Variants in KIF6 observed in about 807,000 individuals in gnomAD.
The protein encoded by KIF6 is kinesin-like protein KIF6.
Under a neutral mutation model 112.7 loss-of-function variants are expected in KIF6, and 106 were observed. That is an observed-to-expected ratio of 0.94 (90% confidence interval 0.80 to 1.11). The LOEUF is 1.11. Among genes scored for constraint, KIF6 ranks in the 50% least tolerant of loss-of-function variants. The probability of loss-of-function intolerance (pLI) is 0.00; values close to 1 mark genes in which losing one functional copy is unlikely to be tolerated. For missense variants in KIF6, 929 were observed against 964.0 expected (o/e 0.96, Z 0.48); for synonymous variants, 339 against 339.9 (o/e 1.00, Z 0.03).
chr6:39,479,076 T>C (rs1774631784), intron 13 of KIF6, among the ~76,000 whole-genome samples: 1 of 152,216 alleles, frequency 6.6e-6, no homozygotes, highest in African/African-American at 2.4e-5. Context: ...TGACTGTTCC[T>C]TTTGCTATGC....
intron 15 of KIF6, among the ~76,000 whole-genome samples, chr6:39,410,150 G>A (rs1338107606): frequency 6.6e-6 from 1 of 152,192 alleles, no homozygotes; most frequent in African/African-American, 2.4e-5. Context: ...CAGGAGTCCT[G>A]GTTTATATAC....
chr6:39,531,674 T>G (rs934810729), intron 13 of KIF6, among the ~76,000 whole-genome samples: 3 of 152,128 alleles, frequency 2.0e-5, no homozygotes, highest in Non-Finnish European at 4.4e-5. Flanking sequence ...GGTTCTTGTC[T>G]CCATGAAAAG....
At chr6:39,522,295 C>T (rs1043086783) in intron 13 of KIF6, among the ~76,000 whole-genome samples, 1 of 152,070 alleles carries the variant, frequency 6.6e-6, no homozygotes, top group African/African-American at 2.4e-5. Context: ...GTCCCACTAC[C>T]CACTCTTTCC....
chr6:39,583,459 A>C (rs753001039), intron 9 of KIF6: 1 of 471,650 alleles, frequency 2.1e-6, no homozygotes. Flanking sequence ...AGAGAACTCC[A>C]TCAGAGGAGC....
intron 16 of KIF6, among the ~76,000 whole-genome samples, chr6:39,363,494 G>T (rs1765331979): frequency 6.6e-6 from 1 of 152,200 alleles, no homozygotes; most frequent in South Asian, 2.1e-4. Flanking sequence ...TGCCACTGGT[G>T]CCTGGTTGCC....
intron 10 of KIF6, among the ~76,000 whole-genome samples, chr6:39,558,030 A>G (rs1458815768): frequency 6.6e-6 from 1 of 151,532 alleles, no homozygotes; most frequent in East Asian, 1.9e-4. Context: ...AACTCTCACA[A>G]CTCTCAGAGC....
At chr6:39,634,342 T>G (rs1784511324) in intron 5 of KIF6, among the ~76,000 whole-genome samples, 1 of 152,176 alleles carries the variant, frequency 6.6e-6, no homozygotes, top group African/African-American at 2.4e-5. Context: ...TAAATTTCAG[T>G]CATGAAACAA....
At chr6:39,681,345 G>A (rs1787497223) in intron 3 of KIF6, among the ~76,000 whole-genome samples, 1 of 152,046 alleles carries the variant, frequency 6.6e-6, no homozygotes, top group South Asian at 2.1e-4. Flanking sequence ...TATAGGAACT[G>A]TATTCTGTTT....
At chr6:39,529,648 G>A (rs929027032) in intron 13 of KIF6, among the ~76,000 whole-genome samples, 3 of 152,090 alleles carry the variant, frequency 2.0e-5, no homozygotes, top group Non-Finnish European at 2.9e-5. Flanking sequence ...TTAGCCAGGC[G>A]TGGTGGTGGG....
chr6:39,561,421 G>A (rs996272143), intron 10 of KIF6, among the ~76,000 whole-genome samples: 6 of 151,392 alleles, frequency 4.0e-5, no homozygotes, highest in Admixed American at 1.3e-4. Context: ...GTATGATCTC[G>A]GCTCACTGCA....
chr6:39,347,027 T>C (rs973064059), intron 19 of KIF6, among the ~76,000 whole-genome samples: 2 of 152,232 alleles, frequency 1.3e-5, no homozygotes, highest in South Asian at 2.1e-4. Context: ...ACAACTGTCA[T>C]TGATAGACAC....
At position 39,385,598 on chromosome 6, in the gene KIF6, C is replaced by A. The variant is rs200091309; in HGVS notation, c.1861+24G>T. 2,798 of 1,597,506 alleles carry A rather than the reference C, an allele frequency of 1.8e-3. 6 individuals are homozygous for A. Among genetic ancestry groups the A allele is most frequent in the Non-Finnish European group, 2.2e-3 (2,546 of 1,165,060 alleles). ...CAGTTTATATTACCTTCATCCTCTT[C>A]CTGCAGATTCTCTTTGTACCTACCT... On this transcript the variant is annotated intron_variant, in intron 16 of 22. Coordinates refer to ENST00000287152, the MANE Select transcript of KIF6 (RefSeq NM_145027.6).
At chr6:39,647,684 A>C (rs184112397) in intron 3 of KIF6, among the ~76,000 whole-genome samples, 29 of 151,488 alleles carry the variant, frequency 1.9e-4, no homozygotes, top group Admixed American at 6.6e-5. Context: ...TCAGGAACCT[A>C]GGTCAAACAG....
intron 13 of KIF6, among the ~76,000 whole-genome samples, chr6:39,461,815 C>G (rs1017345882): frequency 2.6e-5 from 4 of 152,118 alleles, no homozygotes; most frequent in Admixed American, 2.0e-4. Context: ...ATTGACAAAA[C>G]CAGTCAATGA....
intron 6 of KIF6, among the ~76,000 whole-genome samples, chr6:39,612,217 C>T (rs1447935976): frequency 6.6e-6 from 1 of 152,152 alleles, no homozygotes. Flanking sequence ...AATAAAAGGT[C>T]CCTTGACGGA....
At chr6:39,635,881 T>A (rs1784601187) in intron 4 of KIF6, among the ~76,000 whole-genome samples, 1 of 152,072 alleles carries the variant, frequency 6.6e-6, no homozygotes, top group African/African-American at 2.4e-5. Flanking sequence ...ATCATGCTTC[T>A]CATAAGAGGA....
chr6:39,612,168 G>A lies in KIF6; in HGVS notation c.639+1021C>T, dbSNP rs767993763. ...TTTGGTTTGCATTGGTCTATCTTGC[G>A]TCTAAGGCAGGGCATTCTAGAGGGC... On this transcript the variant is annotated intron_variant, in intron 6 of 22. Coordinates refer to ENST00000287152, the MANE Select transcript of KIF6 (RefSeq NM_145027.6). Among the ~76,000 whole-genome samples the A allele has an allele frequency of 1.3e-4, 20 of 152,280 alleles. 1 individual carries two copies. Among genetic ancestry groups the A allele is most frequent in the Non-Finnish European group, 2.1e-4 (14 of 68,020 alleles).
chr6:39,367,083 C>G (rs767480417), intron 16 of KIF6, among the ~76,000 whole-genome samples: 10 of 152,080 alleles, frequency 6.6e-5, no homozygotes, highest in Non-Finnish European at 1.2e-4. Context: ...TCATGACAAC[C>G]AAATGGGCCT....
intron 13 of KIF6, among the ~76,000 whole-genome samples, chr6:39,461,459 T>C (rs991809233): frequency 4.6e-5 from 7 of 152,314 alleles, no homozygotes; most frequent in African/African-American, 1.7e-4. Flanking sequence ...CATATAATTT[T>C]AGATTTTCTA....
Sources: allele counts gnomAD v4.1 joint callset (sites outside exome capture counted in the v4.1 genomes callset), GRCh38; gene constraint gnomAD v4.1.1; transcripts MANE v1.5; gene names NCBI Gene and HGNC (gene_info 2026-07-23, HGNC 2026-07-21).